PTPRE: variants seen among roughly 807,000 people sequenced by gnomAD.
The protein encoded by PTPRE is protein tyrosine phosphatase receptor type E.
PTPRE carries 51 observed loss-of-function variants against 102.0 expected under a neutral mutation model. The observed-to-expected ratio is 0.50, with a 90% CI of 0.40 to 0.63. PTPRE has a LOEUF of 0.63. Among genes scored for constraint, PTPRE ranks in the 30% least tolerant of loss-of-function variants. PTPRE has a pLI of 0.00. For synonymous variants in PTPRE, 345 were observed against 348.2 expected, an observed-to-expected ratio of 0.99 and a Z score of 0.10; for missense variants, 752 against 915.1, an observed-to-expected ratio of 0.82 and a Z score of 2.30.
intron 3 of PTPRE, among the ~76,000 whole-genome samples, chr10:128,043,972 T>C (rs1409300260): frequency 1.3e-5 from 2 of 152,230 alleles, no homozygotes; most frequent in Non-Finnish European, 2.9e-5. Context: ...ATAATCAGTA[T>C]CATTTTTTTT....
chr10:127,996,483 T>A lies in PTPRE; in HGVS notation c.-8+14187T>A, dbSNP rs1284536390. Among the ~76,000 whole-genome samples, 3 of 152,210 alleles carry A rather than the reference T, an allele frequency of 2.0e-5. No individual in the cohort carries two copies. In the South Asian group the frequency reaches 6.2e-4, roughly 32 times the overall value. ...GTTAAAGTTGATTCAAATTGCTCATTCCTTACAGTAAAACCTCCAACCTGA... is the reference window on the plus strand; with the variant it reads ...GTTAAAGTTGATTCAAATTGCTCATACCTTACAGTAAAACCTCCAACCTGA... On this transcript the variant is annotated intron_variant, in intron 2 of 20. Transcript: ENST00000254667.
At chr10:128,050,378 G>T (rs1848472506) in intron 6 of PTPRE, among the ~76,000 whole-genome samples, 1 of 116,680 alleles carries the variant, frequency 8.6e-6, no homozygotes, top group African/African-American at 3.1e-5. Context: ...GATGGATGGA[G>T]TGGGAGGGCA....
At chr10:128,032,720 C>T (rs913724052) in intron 2 of PTPRE, among the ~76,000 whole-genome samples, 1 of 152,160 alleles carries the variant, frequency 6.6e-6, no homozygotes, top group Non-Finnish European at 1.5e-5. Context: ...CTGTGAGATG[C>T]CATGGTCATC....
chr10:128,041,120 T>C (rs1847656224), intron 3 of PTPRE, 130 bp downstream of exon 3: 1 of 780,456 alleles, frequency 1.3e-6, no homozygotes, highest in Admixed American at 2.4e-5. Flanking sequence ...GTGCTTTTAA[T>C]AGTTTGTGCC....
chr10:127,963,545 C>T (rs1394643171), intron 1 of PTPRE, among the ~76,000 whole-genome samples: 1 of 152,140 alleles, frequency 6.6e-6, no homozygotes, highest in Non-Finnish European at 1.5e-5. Context: ...ACATAGGCGT[C>T]TTTACAGTGT....
chr10:128,006,323 G>A (rs887744311), intron 2 of PTPRE, among the ~76,000 whole-genome samples: 8 of 152,324 alleles, frequency 5.3e-5, no homozygotes, highest in Middle Eastern at 3.4e-3. Flanking sequence ...ACAGAAGAGC[G>A]GGGAAGCAGA....
chr10:128,048,689 T>C lies in PTPRE; in HGVS notation c.284-841T>C, dbSNP rs549246200. On this transcript the variant is annotated intron_variant, in intron 5 of 20. Transcript: ENST00000254667. ...CGGTTCCCTGCCCTGAATGTTTCAA[T>C]AGCAGGAACGGAAGGGAGGAGGGTG... Among the ~76,000 whole-genome samples, 7 of 152,258 alleles carry C rather than the reference T, an allele frequency of 4.6e-5. No homozygotes were observed. In the South Asian group the frequency reaches 1.5e-3, roughly 32 times the overall value.
At chr10:127,947,286 A>C (rs1571242) in intron 1 of PTPRE, among the ~76,000 whole-genome samples, 12,509 of 151,320 alleles carry the variant, frequency 0.083, 706 homozygotes, top group East Asian at 0.15. Context: ...AAATAAATAA[A>C]AATTCTCAGA....
intron 1 of PTPRE, among the ~76,000 whole-genome samples, chr10:127,954,003 T>C (rs886494740): frequency 3.9e-5 from 6 of 152,240 alleles, no homozygotes; most frequent in African/African-American, 4.8e-5. Context: ...GGTATGTGGA[T>C]AGACTGCTCT....
intron 20 of PTPRE, among the ~76,000 whole-genome samples, chr10:128,080,749 C>A (rs1851636958): frequency 6.6e-6 from 1 of 152,192 alleles, no homozygotes; most frequent in South Asian, 2.1e-4. Context: ...TGCTCTCTTG[C>A]CTGGTAACAG....
intron 19 of PTPRE, among the ~76,000 whole-genome samples, chr10:128,078,992 G>A (rs530011192): frequency 2.0e-4 from 31 of 152,296 alleles, no homozygotes; most frequent in African/African-American, 7.2e-4. Context: ...CTCTTGTGGG[G>A]TTTATCAGCA....
chr10:127,946,309 C>A (rs771533326), intron 1 of PTPRE, among the ~76,000 whole-genome samples: 1 of 152,208 alleles, frequency 6.6e-6, no homozygotes, highest in African/African-American at 2.4e-5. Context: ...TGATAACTTA[C>A]TATGTGGCCG....
chr10:128,012,377 C>T (rs959052369), intron 2 of PTPRE, among the ~76,000 whole-genome samples: 4 of 152,180 alleles, frequency 2.6e-5, no homozygotes, highest in African/African-American at 4.8e-5. Context: ...TTCTCCTTGC[C>T]CTGCACCTGT....
At chr10:128,044,956 TGTGGGCACCCCTTGTGCTTGGCCCCA>T (rs1847972560) in intron 3 of PTPRE, among the ~76,000 whole-genome samples, 1 of 152,278 alleles carries the variant, frequency 6.6e-6, no homozygotes, top group Admixed American at 6.5e-5. Context: ...AACTAGGCAC[TGTGGGCACCCCTTGTGCTTGGCCCCA>T]GTGGGCTGGA....
At chr10:127,988,819 G>A (rs1001829149) in intron 2 of PTPRE, among the ~76,000 whole-genome samples, 2 of 152,094 alleles carry the variant, frequency 1.3e-5, no homozygotes, top group African/African-American at 2.4e-5. Context: ...ACATACTCTC[G>A]AATCTACAAT....
At chr10:127,983,049 T>G (rs1372036018) in intron 2 of PTPRE, among the ~76,000 whole-genome samples, 2 of 152,242 alleles carry the variant, frequency 1.3e-5, no homozygotes, top group Non-Finnish European at 2.9e-5. Flanking sequence ...CAGGAAGCTG[T>G]ATTTCCTAAA....
rs564398206 is a variant in PTPRE at position 128,053,340 on chromosome 10, G to T, written c.421-2783G>T. Among the ~76,000 whole-genome samples the T allele has an allele frequency of 3.2e-3, 489 of 152,312 alleles. 2 individuals are homozygous for T. The highest frequency in any genetic ancestry group is 0.011 in the African/African-American group (461 of 41,566). On this transcript the variant is annotated intron_variant, in intron 6 of 20. Transcript: ENST00000254667. Reference sequence around the variant, plus strand: ...AAACAATTTGGACAATTTACATAATGGGACAGCCAATCACACAATATTTAT... The same window carrying T: ...AAACAATTTGGACAATTTACATAATTGGACAGCCAATCACACAATATTTAT...
At chr10:127,967,121 T>G (rs1041274126) in intron 1 of PTPRE, among the ~76,000 whole-genome samples, 1 of 152,226 alleles carries the variant, frequency 6.6e-6, no homozygotes, top group African/African-American at 2.4e-5. Context: ...GTGTGAAGAC[T>G]GCTAAGGGCA....
intron 1 of PTPRE, among the ~76,000 whole-genome samples, chr10:127,978,557 T>A (rs543130081): frequency 1.9e-4 from 28 of 150,428 alleles, no homozygotes; most frequent in Middle Eastern, 6.8e-3. Flanking sequence ...AGAAAAAAAA[T>A]AAAATAAAAC....
Sources: allele counts gnomAD v4.1 joint callset (sites outside exome capture counted in the v4.1 genomes callset), GRCh38; gene constraint gnomAD v4.1.1; transcripts MANE v1.5; gene names NCBI Gene and HGNC (gene_info 2026-07-23, HGNC 2026-07-21).